FUT8: variants seen among roughly 807,000 people sequenced by gnomAD.
FUT8 encodes alpha-(1,6)-fucosyltransferase.
FUT8 carries 29 observed loss-of-function variants against 71.3 expected under a neutral mutation model. That is an observed-to-expected ratio of 0.41 (90% CI 0.30 to 0.55). The LOEUF (loss-of-function observed/expected upper bound fraction) is 0.55. FUT8 is among the 20% of genes least tolerant of loss of function. FUT8 has a pLI of 0.34. For synonymous variants in FUT8, 254 were observed against 239.3 expected, an observed-to-expected ratio of 1.06 and a Z score of -0.57; for missense variants, 544 against 702.1, an observed-to-expected ratio of 0.77 and a Z score of 2.55.
At chr14:65,465,331 TTTAC>T (rs1027009090) in intron 2 of FUT8, among the ~76,000 whole-genome samples, 128 of 152,258 alleles carry the variant, frequency 8.4e-4, no homozygotes, top group African/African-American at 2.6e-3. Flanking sequence ...CCCACATTTA[TTTAC>T]TTACTTACTT....
At chr14:65,543,776 T>C (rs1318729378) in intron 2 of FUT8, among the ~76,000 whole-genome samples, 1 of 152,180 alleles carries the variant, frequency 6.6e-6, no homozygotes, top group Non-Finnish European at 1.5e-5. Flanking sequence ...GGGAGATGAC[T>C]GTCAGTGGTT....
At chr14:65,602,710 ATTC>A (rs1482490364) in intron 3 of FUT8, among the ~76,000 whole-genome samples, 1 of 151,812 alleles carries the variant, frequency 6.6e-6, no homozygotes. Context: ...GACAATGGCC[ATTC>A]TTGTGGGAGT....
At chr14:65,398,658 C>A in the FUT8 span, among the ~76,000 whole-genome samples, 2 of 151,814 alleles carry the variant, frequency 1.3e-5, no homozygotes, top group African/African-American at 2.4e-5. Flanking sequence ...ATTGCTTGAA[C>A]CCAGGAGCTT....
chr14:65,702,139 A>G (rs1448627998), intron 7 of FUT8, among the ~76,000 whole-genome samples: 1 of 152,180 alleles, frequency 6.6e-6, no homozygotes, highest in African/African-American at 2.4e-5. Context: ...TGAGGTTGGG[A>G]GTTCAAGACC....
At chr14:65,381,846 A>G in the FUT8 span, among the ~76,000 whole-genome samples, 1 of 152,176 alleles carries the variant, frequency 6.6e-6, no homozygotes, top group Non-Finnish European at 1.5e-5. Flanking sequence ...ATTAAAATCC[A>G]GCAACACTTT....
chr14:65,558,868 C>G (rs1004373059), intron 2 of FUT8, among the ~76,000 whole-genome samples: 3 of 150,628 alleles, frequency 2.0e-5, no homozygotes, highest in African/African-American at 7.4e-5. Context: ...AAACATAGTT[C>G]AAATGATGCT....
At chr14:65,610,692 T>G (rs1308955995) in intron 3 of FUT8, among the ~76,000 whole-genome samples, 1 of 151,942 alleles carries the variant, frequency 6.6e-6, no homozygotes, top group Non-Finnish European at 1.5e-5. Flanking sequence ...CCCAGCCATT[T>G]CTGACACTTT....
intron 1 of FUT8, among the ~76,000 whole-genome samples, chr14:65,447,788 A>T (rs2065764963): frequency 1.3e-5 from 2 of 152,138 alleles, no homozygotes; most frequent in African/African-American, 4.8e-5. Context: ...ATTATAGGAG[A>T]ATATCTAGAC....
At chr14:65,486,540 A>G (rs2066411766) in intron 2 of FUT8, among the ~76,000 whole-genome samples, 2 of 152,258 alleles carry the variant, frequency 1.3e-5, no homozygotes, top group South Asian at 4.1e-4. Flanking sequence ...TTACTGAAAT[A>G]TTGAAAAAAG....
chr14:65,629,082 G>GA lies in FUT8; in HGVS notation c.483-408dup, dbSNP rs1890039021. Among the ~76,000 whole-genome samples the GA allele has an allele frequency of 2.0e-5, 3 of 152,226 alleles. No homozygotes were observed. The South Asian group carries it at 6.2e-4, about 32-fold the overall frequency. ...CCAGTCACTCAGAGTGTTTAAATAT[G>GA]AAGAGAAAAATTAAAAGGGGGCATG... On this transcript the variant is annotated intron_variant, in intron 5 of 10. Transcript: ENST00000673929.
chr14:65,448,729 C>A (rs575819109), intron 1 of FUT8, among the ~76,000 whole-genome samples: 1 of 152,192 alleles, frequency 6.6e-6, no homozygotes, highest in African/African-American at 2.4e-5. Flanking sequence ...TTTAGAAATT[C>A]AAGCTGTGTC....
intron 7 of FUT8, among the ~76,000 whole-genome samples, chr14:65,705,294 T>C (rs992747702): frequency 1.3e-5 from 2 of 152,236 alleles, no homozygotes; most frequent in Admixed American, 1.3e-4. Flanking sequence ...TTTAATAGTA[T>C]AACATATCTT....
intron 5 of FUT8, among the ~76,000 whole-genome samples, chr14:65,620,147 AT>A (rs34288668): frequency 4.6e-5 from 7 of 151,584 alleles, no homozygotes; most frequent in African/African-American, 9.7e-5. Flanking sequence ...AAATTACCAT[AT>A]TTTTTTTAAA....
chr14:65,400,684 A>G, the FUT8 span, among the ~76,000 whole-genome samples: 3 of 152,140 alleles, frequency 2.0e-5, no homozygotes, highest in Non-Finnish European at 4.4e-5. Context: ...CTAGGAGTTC[A>G]AGACCAGCCT....
intron 1 of FUT8, among the ~76,000 whole-genome samples, chr14:65,427,659 C>T (rs983285725): frequency 2.0e-5 from 3 of 152,182 alleles, no homozygotes; most frequent in African/African-American, 7.2e-5. Flanking sequence ...TCCTTATATA[C>T]CGAATTCCTT....
chr14:65,608,515 A>G (rs1888708570), intron 3 of FUT8, among the ~76,000 whole-genome samples: 1 of 151,948 alleles, frequency 6.6e-6, no homozygotes, highest in Admixed American at 6.6e-5. Context: ...ACTGGTTTTC[A>G]TATTATGTTT....
chr14:65,392,775 C>T, the FUT8 span, among the ~76,000 whole-genome samples: 1 of 152,306 alleles, frequency 6.6e-6, no homozygotes, highest in East Asian at 1.9e-4. Context: ...CCTGCTTCTT[C>T]CTCTAATCTG....
At chr14:65,702,344 T>TC (rs1555385739) in intron 7 of FUT8, among the ~76,000 whole-genome samples, 1 of 30,772 alleles carries the variant, frequency 3.2e-5, no homozygotes, top group Non-Finnish European at 6.9e-5. Context: ...AAACTCCATC[T>TC]CAAAAAAAAA....
At chr14:65,438,600 G>A (rs933894111) in intron 1 of FUT8, among the ~76,000 whole-genome samples, 1 of 152,172 alleles carries the variant, frequency 6.6e-6, no homozygotes, top group African/African-American at 2.4e-5. Context: ...CAGCTCTGGA[G>A]TATTATCAGA....
Sources: allele counts gnomAD v4.1 joint callset (sites outside exome capture counted in the v4.1 genomes callset), GRCh38; gene constraint gnomAD v4.1.1; transcripts MANE v1.5; gene names NCBI Gene and HGNC (gene_info 2026-07-23, HGNC 2026-07-21).